The following ZFAND3 variants were observed in gnomAD, a reference collection of about 807,000 sequenced individuals.
The protein encoded by ZFAND3 is zinc finger AN1-type containing 3.
Under a neutral mutation model 29.6 loss-of-function variants are expected in ZFAND3, and 10 were observed. The ratio of observed to expected loss-of-function variants is 0.34; its 90% confidence interval spans 0.21 to 0.57. The LOEUF (loss-of-function observed/expected upper bound fraction) is 0.57, where lower values mean the gene tolerates loss of function less well. Ranked by LOEUF, ZFAND3 falls within the 20% of genes least tolerant of loss-of-function variation. The pLI is 0.86. For synonymous variants in ZFAND3, 128 were observed against 112.6 expected (o/e 1.14, Z -0.87); for missense variants, 230 against 304.5 (o/e 0.76, Z 1.82).
chr6:37,941,169 A>C (rs1439377773), intron 2 of ZFAND3, among the ~76,000 whole-genome samples: 1 of 152,226 alleles, frequency 6.6e-6, no homozygotes, highest in Non-Finnish European at 1.5e-5. Context: ...ATTTTAAAGA[A>C]CTGAGATTTG....
At chr6:38,105,154 T>G (rs1244097344) in intron 4 of ZFAND3, among the ~76,000 whole-genome samples, 2 of 152,338 alleles carry the variant, frequency 1.3e-5, no homozygotes, top group East Asian at 3.9e-4. Flanking sequence ...ATATGTGCTT[T>G]GTGTTAGTGT....
chr6:37,845,775 AAAT>A (rs1167357183), intron 1 of ZFAND3, among the ~76,000 whole-genome samples: 3 of 152,162 alleles, frequency 2.0e-5, no homozygotes, highest in Non-Finnish European at 4.4e-5. Flanking sequence ...GTGCTTTGGG[AAAT>A]AATGATGAAA....
intron 5 of ZFAND3, among the ~76,000 whole-genome samples, chr6:38,139,474 A>C (rs1765905151): frequency 1.3e-5 from 2 of 152,156 alleles, no homozygotes; most frequent in African/African-American, 4.8e-5. Flanking sequence ...ACTGGGCCCT[A>C]ACCTAGTCTG....
At chr6:38,132,915 C>G (rs1251056518) in intron 5 of ZFAND3, among the ~76,000 whole-genome samples, 1 of 152,202 alleles carries the variant, frequency 6.6e-6, no homozygotes, top group Non-Finnish European at 1.5e-5. Flanking sequence ...CAAGCCTGTT[C>G]ACAGATTTGA....
At chr6:37,946,528 G>A (rs769326764) in intron 2 of ZFAND3, among the ~76,000 whole-genome samples, 2 of 152,112 alleles carry the variant, frequency 1.3e-5, no homozygotes, top group Middle Eastern at 3.2e-3. Flanking sequence ...AAGTTACCAG[G>A]ATACCCTTTC....
chr6:37,893,899 T>G (rs1454190341), intron 1 of ZFAND3, among the ~76,000 whole-genome samples: 1 of 152,152 alleles, frequency 6.6e-6, no homozygotes, highest in Non-Finnish European at 1.5e-5. Flanking sequence ...ATTGTTGTCA[T>G]GCACTTTCAC....
chr6:37,895,395 CG>C (rs1292587735), intron 1 of ZFAND3, among the ~76,000 whole-genome samples: 1 of 147,376 alleles, frequency 6.8e-6, no homozygotes, highest in Non-Finnish European at 1.5e-5. Flanking sequence ...AGTGCAGTGA[CG>C]TGATCTCCGC....
chr6:37,820,217 G>A (rs972468480), intron 1 of ZFAND3, among the ~76,000 whole-genome samples: 2 of 152,144 alleles, frequency 1.3e-5, no homozygotes, highest in East Asian at 1.9e-4. Context: ...GCCCTGCCGG[G>A]GGTGCGTTGC....
intron 2 of ZFAND3, among the ~76,000 whole-genome samples, chr6:38,018,729 A>G (rs1561968093): frequency 6.6e-6 from 1 of 152,162 alleles, no homozygotes; most frequent in Non-Finnish European, 1.5e-5. Flanking sequence ...GGCTTTTACT[A>G]AAACAACTCT....
At chr6:38,144,217 TAATATATATATA>T (rs1766048087) in intron 5 of ZFAND3, among the ~76,000 whole-genome samples, 2 of 98,320 alleles carry the variant, frequency 2.0e-5, no homozygotes, top group African/African-American at 1.1e-4. Context: ...ATATAATATA[TAATATATATATA>T]TATTTTTTTT....
intron 1 of ZFAND3, among the ~76,000 whole-genome samples, chr6:37,922,560 T>C (rs975055721): frequency 6.6e-6 from 1 of 152,216 alleles, no homozygotes; most frequent in Admixed American, 6.5e-5. Context: ...AGAAATGTGC[T>C]GTTAGTCGGT....
intron 1 of ZFAND3, among the ~76,000 whole-genome samples, chr6:37,884,074 T>C (rs1316889821): frequency 1.4e-5 from 2 of 145,336 alleles, no homozygotes; most frequent in East Asian, 3.9e-4. Flanking sequence ...TAATAGAGAT[T>C]GATTTTTAAC....
At chr6:38,118,276 G>C (rs1228644509) in intron 5 of ZFAND3, among the ~76,000 whole-genome samples, 1 of 152,192 alleles carries the variant, frequency 6.6e-6, no homozygotes, top group African/African-American at 2.4e-5. Context: ...GATGGCTGAG[G>C]AAACTCTGGG....
intron 2 of ZFAND3, among the ~76,000 whole-genome samples, chr6:37,938,566 T>C (rs545125832): frequency 2.6e-5 from 4 of 152,182 alleles, no homozygotes; most frequent in Admixed American, 6.5e-5. Flanking sequence ...CTCTGTTCTT[T>C]ATGGTGTAGC....
intron 1 of ZFAND3, among the ~76,000 whole-genome samples, chr6:37,837,335 T>C (rs1193729449): frequency 6.6e-6 from 1 of 152,168 alleles, no homozygotes; most frequent in Non-Finnish European, 1.5e-5. Flanking sequence ...TCAAGTAGTT[T>C]TTTTCAGATA....
intron 2 of ZFAND3, among the ~76,000 whole-genome samples, chr6:38,016,684 A>G (rs371005509): frequency 7.2e-5 from 11 of 152,214 alleles, no homozygotes; most frequent in African/African-American, 2.4e-4. Flanking sequence ...GAACACATAC[A>G]TGGTATGTAA....
At chr6:38,099,524 T>C (rs553162520) in intron 4 of ZFAND3, among the ~76,000 whole-genome samples, 1 of 152,308 alleles carries the variant, frequency 6.6e-6, no homozygotes, top group South Asian at 2.1e-4. Context: ...ACTCAGAATT[T>C]TAAATAAACT....
intron 2 of ZFAND3, among the ~76,000 whole-genome samples, chr6:37,974,949 A>G (rs944886185): frequency 3.3e-5 from 5 of 152,180 alleles, no homozygotes; most frequent in African/African-American, 4.8e-5. Flanking sequence ...ATGTCTGGCT[A>G]TCACATAAAT....
intron 4 of ZFAND3, among the ~76,000 whole-genome samples, chr6:38,092,108 C>T (rs946618123): frequency 5.3e-5 from 8 of 152,134 alleles, no homozygotes; most frequent in East Asian, 1.9e-4. Context: ...GCACCCCCCT[C>T]GAGAAGGATC....
Sources: allele counts gnomAD v4.1 joint callset (sites outside exome capture counted in the v4.1 genomes callset), GRCh38; gene constraint gnomAD v4.1.1; transcripts MANE v1.5; gene names NCBI Gene and HGNC (gene_info 2026-07-23, HGNC 2026-07-21).